The following MYBPC1 variants were observed in gnomAD, a reference collection of about 807,000 sequenced individuals.
MYBPC1 encodes myosin-binding protein C, slow-type.
A neutral mutation model predicts 147.1 loss-of-function variants in MYBPC1; 52 were observed. The ratio of observed to expected loss-of-function variants is 0.35; its 90% confidence interval spans 0.28 to 0.45. MYBPC1 has a LOEUF of 0.45. Among genes scored for constraint, MYBPC1 ranks in the 20% least tolerant of loss-of-function variants. MYBPC1 has a pLI of 1.00. For synonymous variants in MYBPC1, 477 were observed against 475.9 expected (o/e 1.00, Z -0.03); for missense variants, 1,228 against 1,440.3 (o/e 0.85, Z 2.39).
At chr12:101,666,874 A>T in intron 22 of MYBPC1, 1 of 1,124,860 alleles carries the variant, frequency 8.9e-7, no homozygotes, top group Non-Finnish European at 1.3e-6. Context: ...ACCAAGCATG[A>T]AGAATACTCA....
intron 15 of MYBPC1, chr12:101,650,972 G>A (rs1894316292): frequency 4.3e-6 from 2 of 464,128 alleles, no homozygotes; most frequent in East Asian, 4.3e-5. Flanking sequence ...TTTGAGGTGT[G>A]AGTCTGCAGA....
chr12:101,651,317 A>C lies in MYBPC1; in HGVS notation c.1450A>C (p.Asn484His), dbSNP rs1468030818. The C allele has an allele frequency of 6.2e-7, 1 of 1,614,152 alleles. No individual in the cohort carries two copies. The highest frequency in any genetic ancestry group is 1.3e-5 in the African/African-American group (1 of 75,030). Residue 484 changes from asparagine (N) to histidine (H), a missense_variant, in exon 16 of 32, where the codon AAC (asparagine) becomes CAC (histidine). By Grantham distance (68) the Asn-to-His change is moderately conservative. Transcript: ENST00000361466. ...EICLKCEISE[N>H]IPGKWTKNGL... ...CTGCCTGAAGTGTGAAATCTCTGAAAACATACCAGGAAAATGGACTAAAAA... is the reference window on the plus strand; with the variant it reads ...CTGCCTGAAGTGTGAAATCTCTGAACACATACCAGGAAAATGGACTAAAAA...
chr12:101,659,782 G>A lies in MYBPC1; in HGVS notation c.1878G>A (p.Leu626=), dbSNP rs754390382. The change falls in exon 19 of 32, where the codon CTG becomes CTA. Residue 626 remains leucine, a synonymous_variant. Transcript: ENST00000361466. ...RDDSGVYHIN[L]KNEAGEAHAS... is the part of the protein sequence containing the mutation. ...ACTCTGGTGTTTACCACATCAATCTGAAAAACGAAGCTGGAGAGGCACATG... is the reference window on the plus strand; with the variant it reads ...ACTCTGGTGTTTACCACATCAATCTAAAAAACGAAGCTGGAGAGGCACATG... 6.2e-7 allele frequency: 1 copy of A among 1,614,126 alleles called. No individual in the cohort carries two copies. The highest frequency in any genetic ancestry group is 8.5e-7 in the Non-Finnish European group (1 of 1,180,006).
downstream of MYBPC1, chr12:101,686,105 A>T (rs1251392552): frequency 6.5e-6 from 1 of 153,740 alleles, no homozygotes. Flanking sequence ...TGTTGATGTC[A>T]TACAGGCCTG....
At chr12:101,683,443 AT>A (rs1364258997) in intron 30 of MYBPC1, among the ~76,000 whole-genome samples, 7 of 152,208 alleles carry the variant, frequency 4.6e-5, no homozygotes, top group African/African-American at 1.7e-4. Context: ...AATAAAAAAA[AT>A]AAATTGGGAA....
chr12:101,664,222 G>GA (rs1315347711), intron 22 of MYBPC1, among the ~76,000 whole-genome samples: 1 of 151,902 alleles, frequency 6.6e-6, no homozygotes, highest in Non-Finnish European at 1.5e-5. Context: ...AATAGAAAAA[G>GA]AAAAAATGAC....
intron 29 of MYBPC1, among the ~76,000 whole-genome samples, chr12:101,681,565 TATATATATATATATATATATATATATA>T (rs1950950355): frequency 6.2e-5 from 1 of 16,044 alleles, no homozygotes; most frequent in Non-Finnish European, 1.3e-4. Context: ...CATATATATA[TATATATATATATATATATATATATATA>T]TTTTTTTTTT....
chr12:101,652,561 C>CT, intron 16 of MYBPC1, 117 bp from the exon 17 acceptor site: 1 of 691,622 alleles, frequency 1.4e-6, no homozygotes, highest in South Asian at 1.6e-5. Flanking sequence ...TCTCTCTCTC[C>CT]CTCTCTTTCC....
chr12:101,596,685 A>G (rs1877377295), intron 1 of MYBPC1, among the ~76,000 whole-genome samples: 1 of 152,262 alleles, frequency 6.6e-6, no homozygotes, highest in African/African-American at 2.4e-5. Flanking sequence ...TTTTCATTTG[A>G]CAACTCAGTC....
intron 18 of MYBPC1, among the ~76,000 whole-genome samples, chr12:101,654,478 G>A (rs185192843): frequency 1.6e-3 from 240 of 152,236 alleles, no homozygotes; most frequent in Admixed American, 4.4e-3. Flanking sequence ...AGTGGCACAA[G>A]GAAGAAAAAC....
At chr12:101,662,236 A>C in intron 20 of MYBPC1, 122 bp from the exon 21 acceptor site, 1 of 777,018 alleles carries the variant, frequency 1.3e-6, no homozygotes, top group East Asian at 2.7e-5. Flanking sequence ...ATTTACATAC[A>C]TATATGACTA....
At chr12:101,636,050 G>T (rs1450433161) in intron 9 of MYBPC1, among the ~76,000 whole-genome samples, 2 of 151,988 alleles carry the variant, frequency 1.3e-5, no homozygotes, top group African/African-American at 2.4e-5. Flanking sequence ...ATTTAAGAAG[G>T]TATAAATATT....
rs1382561739 is a variant in MYBPC1, at chr12:101,638,951, C to T, written c.665+2223C>T. 4.7e-5 allele frequency among the ~76,000 whole-genome samples: 7 copies of T among 149,714 alleles called. No individual in the cohort carries two copies. In the East Asian group the frequency reaches 1.2e-3, roughly 26 times the overall value. ...TGTTTTCCTACTAGTGAGTTGCATG[C>T]GTTTTCATTGCGGTAATGACATATG... On this transcript the variant is annotated intron_variant, in intron 10 of 31. Coordinates refer to ENST00000361466, the MANE Select transcript of MYBPC1 (RefSeq NM_002465.4).
chr12:101,603,617 A>T (rs1446125119), intron 1 of MYBPC1, among the ~76,000 whole-genome samples: 1 of 152,122 alleles, frequency 6.6e-6, no homozygotes, highest in Non-Finnish European at 1.5e-5. Flanking sequence ...GCCTTTAAGA[A>T]ATTTATCCTA....
intron 1 of MYBPC1, among the ~76,000 whole-genome samples, chr12:101,596,578 T>A (rs1431045248): frequency 6.6e-6 from 1 of 152,102 alleles, no homozygotes; most frequent in Non-Finnish European, 1.5e-5. Context: ...TAATTGAAAA[T>A]GAGAAGAAAG....
At chr12:101,641,115 GAAAAA>G (rs34380289) in intron 10 of MYBPC1, among the ~76,000 whole-genome samples, 1 of 105,964 alleles carries the variant, frequency 9.4e-6, no homozygotes, top group South Asian at 3.0e-4. Flanking sequence ...CTGTCTCAAA[GAAAAA>G]AAAAAAAAAA....
chr12:101,650,836 T>C (rs1894289069), intron 15 of MYBPC1: 1 of 273,546 alleles, frequency 3.7e-6, no homozygotes, highest in Non-Finnish European at 7.1e-6. Flanking sequence ...CTGGAAGTGT[T>C]GTGGCTTGTG....
chr12:101,633,822 T>C (rs1343037302), intron 8 of MYBPC1, among the ~76,000 whole-genome samples: 2 of 151,578 alleles, frequency 1.3e-5, no homozygotes, highest in Non-Finnish European at 2.9e-5. Context: ...ATTTCTGTAT[T>C]AGGTGGGATC....
intron 10 of MYBPC1, chr12:101,636,992 G>T (rs553271934): frequency 2.0e-4 from 33 of 165,940 alleles, no homozygotes; most frequent in South Asian, 1.9e-3. Context: ...GGGACGAAGA[G>T]ATATGAAAAC....
Sources: allele counts gnomAD v4.1 joint callset (sites outside exome capture counted in the v4.1 genomes callset), GRCh38; gene constraint gnomAD v4.1.1; transcripts MANE v1.5; gene names NCBI Gene and HGNC (gene_info 2026-07-23, HGNC 2026-07-21).